The following CALN1 variants were observed in gnomAD, a reference collection of about 807,000 sequenced individuals.
CALN1 encodes the protein calcium-binding protein 8.
CALN1 carries 17 observed loss-of-function variants against 30.6 expected under a neutral mutation model. The ratio of observed to expected loss-of-function variants is 0.56; its 90% confidence interval spans 0.38 to 0.83. CALN1 has a LOEUF of 0.83. Ranked by LOEUF, CALN1 falls within the 40% of genes least tolerant of loss-of-function variation. The pLI, the probability that CALN1 is intolerant of heterozygous loss-of-function variation, is 0.00. For missense variants in CALN1, 291 were observed against 354.9 expected, an observed-to-expected ratio of 0.82 and a Z score of 1.45; for synonymous variants, 156 against 131.4, an observed-to-expected ratio of 1.19 and a Z score of -1.28.
At chr7:72,055,264 A>C (rs1257489790) in intron 4 of CALN1, among the ~76,000 whole-genome samples, 23 of 152,168 alleles carry the variant, frequency 1.5e-4, no homozygotes, top group Non-Finnish European at 1.5e-5. Flanking sequence ...GGGGGTTCTG[A>C]ATTTGGCAGT....
chr7:72,350,605 A>C (rs931478990), intron 2 of CALN1, among the ~76,000 whole-genome samples: 3 of 152,140 alleles, frequency 2.0e-5, no homozygotes, highest in Non-Finnish European at 4.4e-5. Context: ...GAGGAAGAGA[A>C]CAACAGACAC....
intron 5 of CALN1, among the ~76,000 whole-genome samples, chr7:71,934,018 G>A (rs758740752): frequency 6.6e-6 from 1 of 152,112 alleles, no homozygotes; most frequent in Non-Finnish European, 1.5e-5. Flanking sequence ...GGGAATGTAG[G>A]TTCACTCTTT....
chr7:72,329,500 CCA>C (rs1801516494), intron 2 of CALN1, among the ~76,000 whole-genome samples: 1 of 152,224 alleles, frequency 6.6e-6, no homozygotes, highest in Non-Finnish European at 1.5e-5. Flanking sequence ...TCATCTCCTG[CCA>C]CACCAGTCTC....
chr7:72,211,342 A>G (rs1297222639), intron 3 of CALN1, among the ~76,000 whole-genome samples: 4 of 152,076 alleles, frequency 2.6e-5, no homozygotes, highest in Admixed American at 2.0e-4. Context: ...TGCCTAAAAC[A>G]CTTTTCCCGC....
At chr7:71,938,561 C>G (rs1343083940) in intron 5 of CALN1, among the ~76,000 whole-genome samples, 1 of 151,998 alleles carries the variant, frequency 6.6e-6, no homozygotes, top group Non-Finnish European at 1.5e-5. Flanking sequence ...TTTTGGGAGG[C>G]TGAGGTGGGC....
intron 4 of CALN1, among the ~76,000 whole-genome samples, chr7:72,101,036 T>C (rs1158921333): frequency 6.6e-6 from 1 of 151,880 alleles, no homozygotes; most frequent in African/African-American, 2.4e-5. Context: ...TGATCTCAGC[T>C]TACTGCAACC....
At chr7:72,482,853 C>T in the CALN1 span, among the ~76,000 whole-genome samples, 1 of 151,932 alleles carries the variant, frequency 6.6e-6, no homozygotes, top group Non-Finnish European at 1.5e-5. Context: ...ATTTTCTTTC[C>T]TCCTGAAAAA....
intron 3 of CALN1, among the ~76,000 whole-genome samples, chr7:72,270,565 A>G (rs1475163336): frequency 6.6e-6 from 1 of 152,166 alleles, no homozygotes; most frequent in Non-Finnish European, 1.5e-5. Flanking sequence ...TGAGCCCTGG[A>G]GTTCAAGACA....
At chr7:72,499,905 CTT>C in the CALN1 span, among the ~76,000 whole-genome samples, 3 of 42,720 alleles carry the variant, frequency 7.0e-5, no homozygotes, top group Non-Finnish European at 1.3e-4. Flanking sequence ...TTCTTTCTTT[CTT>C]TCTTTCTATC....
At chr7:72,501,779 G>A in the CALN1 span, among the ~76,000 whole-genome samples, 1 of 149,778 alleles carries the variant, frequency 6.7e-6, no homozygotes, top group African/African-American at 2.5e-5. Flanking sequence ...CGTGGTGGTG[G>A]GCGCCTGTAG....
At chr7:72,334,843 A>C (rs1585521812) in intron 2 of CALN1, among the ~76,000 whole-genome samples, 2 of 152,334 alleles carry the variant, frequency 1.3e-5, no homozygotes, top group Middle Eastern at 3.4e-3. Context: ...CTTCTCAGTA[A>C]ACAGCTTCAT....
intron 2 of CALN1, among the ~76,000 whole-genome samples, chr7:72,368,239 G>C (rs904756732): frequency 6.7e-6 from 1 of 149,834 alleles, no homozygotes; most frequent in African/African-American, 2.5e-5. Flanking sequence ...TATATATCTA[G>C]GATGCTAGTA....
chr7:71,806,298 T>A (rs1237474858), intron 6 of CALN1, among the ~76,000 whole-genome samples: 1 of 101,690 alleles, frequency 9.8e-6, no homozygotes, highest in Non-Finnish European at 1.8e-5. Context: ...GATTATAGTT[T>A]CCCCCTCCTT....
chr7:71,841,661 C>T (rs1434660570), intron 5 of CALN1, among the ~76,000 whole-genome samples: 2 of 152,204 alleles, frequency 1.3e-5, no homozygotes, highest in Admixed American at 6.5e-5. Context: ...CTGTGGAATA[C>T]TATGCAGCCA....
intron 5 of CALN1, among the ~76,000 whole-genome samples, chr7:71,929,179 A>G (rs987162415): frequency 1.8e-4 from 28 of 152,178 alleles, no homozygotes; most frequent in African/African-American, 6.8e-4. Flanking sequence ...GGTTTGTTAC[A>G]TAGTTAAACA....
upstream of CALN1, among the ~76,000 whole-genome samples, chr7:72,416,875 T>C (rs1392024922): frequency 6.6e-6 from 1 of 151,738 alleles, no homozygotes; most frequent in East Asian, 1.9e-4. Flanking sequence ...TGGGCTGAGC[T>C]GGGCTGGGCT....
intron 2 of CALN1, among the ~76,000 whole-genome samples, chr7:72,398,760 C>T (rs539417662): frequency 6.6e-6 from 1 of 152,358 alleles, no homozygotes; most frequent in African/African-American, 2.4e-5. Context: ...TACATACGCA[C>T]ACACCTTGCT....
At chr7:72,288,786 C>A (rs1404693002) in intron 2 of CALN1, among the ~76,000 whole-genome samples, 3 of 152,058 alleles carry the variant, frequency 2.0e-5, no homozygotes, top group African/African-American at 7.2e-5. Context: ...ACTGCTTTGT[C>A]CTTCTATGTT....
At chr7:71,938,769 G>A (rs1433710624) in intron 5 of CALN1, among the ~76,000 whole-genome samples, 1 of 151,946 alleles carries the variant, frequency 6.6e-6, no homozygotes, top group Non-Finnish European at 1.5e-5. Flanking sequence ...CAGCCTGGGC[G>A]ATAGAACGAA....
Sources: gnomAD v4.1 joint callset for allele counts (sites outside exome capture counted in the v4.1 genomes callset) on GRCh38, gnomAD v4.1.1 for gene constraint, MANE v1.5 for transcripts, NCBI Gene and HGNC (gene_info 2026-07-23, HGNC 2026-07-21) for gene names.